Variants in CDC42BPB observed in about 807,000 individuals in gnomAD.
CDC42BPB encodes the protein CDC42 binding protein kinase beta, also known as serine/threonine-protein kinase MRCK beta.
Under a neutral mutation model 214.9 loss-of-function variants are expected in CDC42BPB, and 37 were observed. That is an observed-to-expected ratio of 0.17 (90% confidence interval 0.13 to 0.23). CDC42BPB has a LOEUF of 0.23. CDC42BPB is among the 10% of genes least tolerant of loss of function. The pLI, the probability that CDC42BPB is intolerant of heterozygous loss-of-function variation, is 1.00. For synonymous variants in CDC42BPB, 931 were observed against 884.0 expected, an observed-to-expected ratio of 1.05 and a Z score of -0.94; for missense variants, 1,694 against 2,227.0, an observed-to-expected ratio of 0.76 and a Z score of 4.82.
At chr14:102,947,014 G>A (rs1892211237) in intron 27 of CDC42BPB, among the ~76,000 whole-genome samples, 1 of 152,228 alleles carries the variant, frequency 6.6e-6, no homozygotes, top group Non-Finnish European at 1.5e-5. Context: ...AATGTGTCCA[G>A]GAAAAGCAGA....
Position 103,008,433 on chromosome 14 carries a change from C to T in CDC42BPB, c.351+39G>A, listed in dbSNP as rs757368721. The T allele has an allele frequency of 6.0e-6, 8 of 1,327,770 alleles. No homozygotes were observed. The African/African-American group carries it at 1.2e-4, about 19-fold the overall frequency. The allele number at this position is 1,327,770 out of a possible 1,614,324, so 82.2% of individuals were successfully genotyped here. ...CTTCACAGTCACTTTCTGCTCACCC[C>T]AAGCCCCATTTGTATGGCTTTTCAA... On this transcript the variant is annotated intron_variant, in intron 3 of 36. Transcript: ENST00000361246.
intron 29 of CDC42BPB, 39 bp downstream of exon 29, chr14:102,945,623 C>G (rs201308419): frequency 6.3e-7 from 1 of 1,582,686 alleles, no homozygotes; most frequent in Non-Finnish European, 8.7e-7. Context: ...CCAGGCTGGG[C>G]CTGTGACATC....
At chr14:103,041,794 C>G in intron 1 of CDC42BPB, 1 of 452,316 alleles carries the variant, frequency 2.2e-6, no homozygotes, top group Non-Finnish European at 4.2e-6. Flanking sequence ...CGAGTCCCTG[C>G]AGGCCAAGGT....
intron 1 of CDC42BPB, among the ~76,000 whole-genome samples, chr14:103,025,772 A>G (rs923322809): frequency 2.7e-5 from 4 of 149,944 alleles, no homozygotes; most frequent in African/African-American, 4.9e-5. Context: ...AAGCCACTGC[A>G]CTCCAGCCTG....
intron 3 of CDC42BPB, among the ~76,000 whole-genome samples, chr14:103,007,641 C>T (rs577337044): frequency 1.3e-5 from 2 of 152,350 alleles, no homozygotes; most frequent in East Asian, 3.9e-4. Context: ...CTGCCAGGCA[C>T]AGGCCTCGCT....
At chr14:102,937,739 A>T (rs1291843953) in intron 36 of CDC42BPB, among the ~76,000 whole-genome samples, 1 of 152,260 alleles carries the variant, frequency 6.6e-6, no homozygotes, top group Non-Finnish European at 1.5e-5. Context: ...CAGACCAACC[A>T]ATGTGGAAGG....
At position 103,004,984 on chromosome 14, in the gene CDC42BPB, C is replaced by T. The variant is rs1386017135; in HGVS notation, c.352-961G>A. On this transcript the variant is annotated intron_variant, in intron 3 of 36. Coordinates refer to ENST00000361246, the MANE Select transcript of CDC42BPB (RefSeq NM_006035.4). This position sits in a 1 kb window ranked among gnomAD's most constrained non-coding sequence, Gnocchi z 5.3. ...AGATCAAGACCATCCTGGCTAACAC[C>T]GTGAAACCCCGTCTCTATTAAAAAT... is the stretch of plus-strand genomic sequence containing the variant. Among the ~76,000 whole-genome samples the T allele has an allele frequency of 6.6e-6, 1 of 151,572 alleles. No individual in the cohort carries two copies. The highest frequency in any genetic ancestry group is 1.5e-5 in the Non-Finnish European group (1 of 67,910).
Position 102,966,992 on chromosome 14 carries a change from C to T in CDC42BPB, c.2471+54G>A, listed in dbSNP as rs1218532060. 1.4e-5 allele frequency: 22 copies of T among 1,589,440 alleles called. No homozygotes were observed. The East Asian group carries it at 4.3e-4, about 31-fold the overall frequency. Reference sequence around the variant, plus strand: ...TCAGGCAGAAGAGGCGGGGCAGACCCCATGGACTGAGCAGGGAGCGGATTC... The same window carrying T: ...TCAGGCAGAAGAGGCGGGGCAGACCTCATGGACTGAGCAGGGAGCGGATTC... On this transcript the variant is annotated intron_variant, in intron 17 of 36. Coordinates refer to ENST00000361246, the MANE Select transcript of CDC42BPB (RefSeq NM_006035.4).
At chr14:102,994,908 G>C (rs900680805) in intron 5 of CDC42BPB, among the ~76,000 whole-genome samples, 20 of 152,214 alleles carry the variant, frequency 1.3e-4, no homozygotes, top group African/African-American at 4.3e-4. Flanking sequence ...TCAGCCTCCA[G>C]AGCACAGTCC....
intron 5 of CDC42BPB, among the ~76,000 whole-genome samples, chr14:102,994,601 GGA>G (rs544105435): frequency 1.1e-3 from 169 of 152,332 alleles, no homozygotes; most frequent in African/African-American, 3.8e-3. Context: ...CGTCTTCAGG[GGA>G]GAGTCAGGCA....
chr14:102,956,456 A>G (rs1892709383), intron 21 of CDC42BPB: 1 of 982,366 alleles, frequency 1.0e-6, no homozygotes, highest in Non-Finnish European at 1.2e-6. Context: ...TTTTCAAAAG[A>G]GTCTGGAAGC....
Position 102,938,181 on chromosome 14 carries a change from A to T in CDC42BPB, c.4934-7T>A. The T allele has an allele frequency of 6.2e-7, 1 of 1,613,050 alleles. No homozygotes were observed. Among genetic ancestry groups the T allele is most frequent in the Non-Finnish European group, 8.5e-7 (1 of 1,179,648 alleles). On this transcript the variant is annotated splice_polypyrimidine_tract_variant and splice_region_variant and intron_variant, in intron 35 of 36. Transcript: ENST00000361246. ...ACGCTAGGCTCCGATCCACCTACAG[A>T]ACAAGGACAGCTTTCCTCTTAGGGA...
Position 102,946,510 on chromosome 14 carries a change from A to G in CDC42BPB, c.3706T>C (p.Ser1236Pro). Residue 1236 changes from serine to proline, a missense_variant, in exon 28 of 37, where the codon TCG becomes CCG. By Grantham distance (74) the Ser-to-Pro change is moderately conservative. Coordinates refer to ENST00000361246, the MANE Select transcript of CDC42BPB (RefSeq NM_006035.4). ...VHVPLEAYDS[S>P]LPLIKAILTA... ...AGGATGGCCTTGATGAGAGGCAGCG[A>G]GCTGTCGTAGGCTTCCAAGGGAACA... The G allele has an allele frequency of 6.2e-7, 1 of 1,612,794 alleles. No homozygotes were observed. Among genetic ancestry groups the G allele is most frequent in the Non-Finnish European group, 8.5e-7 (1 of 1,179,968 alleles).
At chr14:102,960,233 C>T (rs537265956) in intron 20 of CDC42BPB, among the ~76,000 whole-genome samples, 26 of 151,984 alleles carry the variant, frequency 1.7e-4, no homozygotes, top group African/African-American at 5.3e-4. Flanking sequence ...AAAACAAAAC[C>T]CCTCAAAACC....
intron 3 of CDC42BPB, among the ~76,000 whole-genome samples, chr14:103,006,819 C>T (rs1334389327): frequency 3.3e-5 from 5 of 152,200 alleles, no homozygotes; most frequent in Non-Finnish European, 7.3e-5. Flanking sequence ...TAAACTGGAT[C>T]TGTGTCACCA....
chr14:102,938,482 A>C, intron 34 of CDC42BPB, 71 bp from the exon 35 acceptor site: 1 of 1,497,482 alleles, frequency 6.7e-7, no homozygotes. Context: ...AGTTTGTGCA[A>C]CCTACGGTGG....
Position 103,001,126 on chromosome 14 carries a change from C to A in CDC42BPB, c.448-1413G>T, listed in dbSNP as rs986076310. Among the ~76,000 whole-genome samples, 1 of 152,196 alleles carries A rather than the reference C, an allele frequency of 6.6e-6. No homozygotes were observed. On this transcript the variant is annotated intron_variant, in intron 4 of 36. Coordinates refer to ENST00000361246, the MANE Select transcript of CDC42BPB (RefSeq NM_006035.4). This position sits in a 1 kb window ranked among gnomAD's most constrained non-coding sequence, Gnocchi z 5.8. ...CCAAGCCTCTCCACAGCTGTCCCAC[C>A]CTGTGGAGTCTTCCTCAAGCCTCCC...
rs373657466 is a variant in CDC42BPB, at chr14:102,968,372, C to A, written c.2241-14G>T. 5 of 1,613,152 alleles carry A rather than the reference C, an allele frequency of 3.1e-6. No homozygotes were observed. The African/African-American group carries it at 5.4e-5, about 17-fold the overall frequency. ...ATCTCGTTATGCCTGCCAAGGTGAG[C>A]GAGAAACAGTTTTAAAAGCTCGTAA... On this transcript the variant is annotated splice_polypyrimidine_tract_variant and intron_variant, in intron 15 of 36. Transcript: ENST00000361246.
At chr14:102,951,441 G>C (rs949810923) in intron 24 of CDC42BPB, among the ~76,000 whole-genome samples, 2 of 152,164 alleles carry the variant, frequency 1.3e-5, no homozygotes, top group Non-Finnish European at 2.9e-5. Context: ...AATCACTGAG[G>C]GGGTAAGAGC....
Sources: gnomAD v4.1 joint callset for allele counts (sites outside exome capture counted in the v4.1 genomes callset) on GRCh38, gnomAD v4.1.1 for gene constraint, Gnocchi (gnomAD v3.1) non-coding constraint, MANE v1.5 for transcripts, NCBI Gene and HGNC (gene_info 2026-07-23, HGNC 2026-07-21) for gene names.